GRIK1: variants seen among roughly 807,000 people sequenced by gnomAD.
GRIK1 encodes the protein glutamate ionotropic receptor kainate type subunit 1.
GRIK1 carries 69 observed loss-of-function variants against 105.7 expected under a neutral mutation model. The ratio of observed to expected loss-of-function variants is 0.65; its 90% CI spans 0.54 to 0.80. The LOEUF (loss-of-function observed/expected upper bound fraction) is 0.80. Ranked by LOEUF, GRIK1 falls within the 30% of genes least tolerant of loss-of-function variation. The pLI, the probability that GRIK1 is intolerant of heterozygous loss-of-function variation, is 0.00. For missense variants in GRIK1, 1,109 were observed against 1,167.3 expected (o/e 0.95, Z 0.73); for synonymous variants, 438 against 431.3 (o/e 1.02, Z -0.19).
intron 13 of GRIK1, among the ~76,000 whole-genome samples, chr21:29,580,005 A>G (rs9977455): frequency 1.4e-5 from 2 of 146,100 alleles, no homozygotes; most frequent in South Asian, 4.2e-4. Flanking sequence ...ATGTATATAT[A>G]TGTATATATA....
intron 1 of GRIK1, among the ~76,000 whole-genome samples, chr21:29,764,474 A>C (rs1271905591): frequency 6.6e-6 from 1 of 152,126 alleles, no homozygotes; most frequent in East Asian, 1.9e-4. Context: ...TAATTTCCCT[A>C]TTGCAAAGTC....
chr21:29,635,883 C>A (rs866467957), intron 7 of GRIK1, among the ~76,000 whole-genome samples: 1 of 152,086 alleles, frequency 6.6e-6, no homozygotes, highest in African/African-American at 2.4e-5. Flanking sequence ...AAATAGGAAT[C>A]CATCACCCAA....
chr21:29,641,756 T>C (rs992086919), intron 7 of GRIK1, among the ~76,000 whole-genome samples: 10 of 152,160 alleles, frequency 6.6e-5, no homozygotes, highest in Non-Finnish European at 2.9e-5. Context: ...GTAGCCTAGG[T>C]ACTTAATCCT....
At chr21:29,853,138 T>C (rs469236) in intron 1 of GRIK1, among the ~76,000 whole-genome samples, 48,871 of 152,124 alleles carry the variant, frequency 0.32, 8,534 homozygotes, top group East Asian at 0.46. Context: ...AAATATTTTA[T>C]GTTATCTTTA....
chr21:29,622,567 C>T lies in GRIK1; in HGVS notation c.1098+20259G>A, dbSNP rs113271880. 1.0e-3 allele frequency among the ~76,000 whole-genome samples: 153 copies of T among 152,222 alleles called. 1 individual carries two copies. Among genetic ancestry groups the T allele is most frequent in the African/African-American group, 3.6e-3 (149 of 41,514 alleles). ...TCTGAGATGCCAGGGAGATCCTGTC[C>T]CAAATTCCCAGAAGGGTGATGACCA... On this transcript the variant is annotated intron_variant, in intron 7 of 17. Coordinates refer to ENST00000327783, the MANE Select transcript of GRIK1 (RefSeq NM_001330994.2).
chr21:29,625,110 G>A (rs1301270358), intron 7 of GRIK1, among the ~76,000 whole-genome samples: 1 of 152,146 alleles, frequency 6.6e-6, no homozygotes, highest in Admixed American at 6.5e-5. Flanking sequence ...CCGTACTGTG[G>A]ATTGTTATGA....
At chr21:29,596,858 AGTATTAAGG>A (rs1206062684) in intron 8 of GRIK1, 2 of 427,618 alleles carry the variant, frequency 4.7e-6, no homozygotes, top group Non-Finnish European at 8.7e-6. Context: ...GGTATGCTGC[AGTATTAAGG>A]GTCTTCATTG....
intron 1 of GRIK1, among the ~76,000 whole-genome samples, chr21:29,899,656 C>A (rs751584006): frequency 1.3e-5 from 2 of 151,712 alleles, no homozygotes; most frequent in South Asian, 4.2e-4. Flanking sequence ...TAGAGAATAA[C>A]CTCAAGGGGA....
intron 1 of GRIK1, 151 bp downstream of exon 1, chr21:29,939,232 T>G (rs900436276): frequency 3.6e-6 from 2 of 561,558 alleles, no homozygotes; most frequent in Admixed American, 6.6e-5. Context: ...GGCTCCCCCT[T>G]TTTTGTGTAG....
chr21:29,642,926 A>T lies in GRIK1; in HGVS notation c.998T>A (p.Ile333Asn), dbSNP rs960881729. Residue 333 changes from isoleucine (I) to asparagine (N), a missense_variant, in exon 7 of 18, where the codon ATT becomes AAT. Transcript: ENST00000327783. ...CAGCTGGGATGCCCGGTGCGAGGCA[A>T]TGGCCACCATGTACACAGCATCGTA... ...LMYDAVYMVA[I>N]ASHRASQLTV... 6.2e-7 allele frequency: 1 copy of T among 1,613,922 alleles called. No individual in the cohort carries two copies.
intron 7 of GRIK1, among the ~76,000 whole-genome samples, chr21:29,631,461 T>C (rs2154581): frequency 0.56 from 85,103 of 152,106 alleles, 26,945 homozygotes; most frequent in African/African-American, 0.87. Context: ...GGGCCCTCAC[T>C]GGAACTTGAC....
At position 29,733,453 on chromosome 21, in the gene GRIK1, G is replaced by C. The variant is rs192883494; in HGVS notation, c.119-39390C>G. 1.3e-3 allele frequency among the ~76,000 whole-genome samples: 192 copies of C among 151,930 alleles called. 1 individual carries two copies. Among genetic ancestry groups the C allele is most frequent in the African/African-American group, 4.4e-3 (184 of 41,432 alleles). On this transcript the variant is annotated intron_variant, in intron 1 of 17. Transcript: ENST00000327783. The stretch of plus-strand genomic sequence containing the variant: ...TTTGTATATCTGTATCCAGCTTATA[G>C]TTGAAATTTGAACATAGTTTTATAA...
intron 11 of GRIK1, 56 bp downstream of exon 11, chr21:29,588,783 C>G (rs1360148876): frequency 3.2e-6 from 3 of 933,934 alleles, no homozygotes; most frequent in Non-Finnish European, 3.4e-6. Context: ...TCATTTTTTC[C>G]TCTCTTACTT....
At chr21:29,824,119 T>G (rs2067380848) in intron 1 of GRIK1, among the ~76,000 whole-genome samples, 2 of 151,972 alleles carry the variant, frequency 1.3e-5, no homozygotes, top group Admixed American at 1.3e-4. Context: ...GGTCTGATGC[T>G]GGATATATTT....
chr21:29,779,380 G>A (rs1212360531), intron 1 of GRIK1, among the ~76,000 whole-genome samples: 1 of 150,586 alleles, frequency 6.6e-6, no homozygotes, highest in Non-Finnish European at 1.5e-5. Flanking sequence ...GTGTGTGCAT[G>A]TGTTTGGAGG....
At chr21:29,922,837 A>G (rs1258332197) in intron 1 of GRIK1, among the ~76,000 whole-genome samples, 1 of 152,214 alleles carries the variant, frequency 6.6e-6, no homozygotes, top group Non-Finnish European at 1.5e-5. Flanking sequence ...TTTTGAGATA[A>G]GATACAGACA....
At chr21:29,780,638 T>C (rs2066069356) in intron 1 of GRIK1, among the ~76,000 whole-genome samples, 1 of 152,178 alleles carries the variant, frequency 6.6e-6, no homozygotes, top group South Asian at 2.1e-4. Context: ...TTAGGGGAAT[T>C]AGGGCAAGAA....
chr21:29,788,811 C>T (rs2066333501), intron 1 of GRIK1, among the ~76,000 whole-genome samples: 1 of 152,188 alleles, frequency 6.6e-6, no homozygotes, highest in East Asian at 1.9e-4. Context: ...AGATCCCTCA[C>T]ATGCACAATT....
intron 1 of GRIK1, among the ~76,000 whole-genome samples, chr21:29,788,769 A>G (rs1278551191): frequency 6.6e-6 from 1 of 152,228 alleles, no homozygotes; most frequent in Non-Finnish European, 1.5e-5. Context: ...ACAGATCATC[A>G]GGCAGTAGAT....
Sources: allele counts gnomAD v4.1 joint callset (sites outside exome capture counted in the v4.1 genomes callset), GRCh38; gene constraint gnomAD v4.1.1; transcripts MANE v1.5; gene names NCBI Gene and HGNC (gene_info 2026-07-23, HGNC 2026-07-21).